Variants in WHRN observed in about 807,000 individuals in gnomAD.
The protein encoded by WHRN is CASK-interacting protein CIP98.
In WHRN, 41 loss-of-function variants were observed where a neutral mutation model predicts 68.3. That is an observed-to-expected ratio of 0.60 (90% CI 0.47 to 0.78). WHRN has a LOEUF of 0.78. Among genes scored for constraint, WHRN ranks in the 30% least tolerant of loss-of-function variants. The pLI is 0.00. For synonymous variants in WHRN, 560 were observed against 561.3 expected (o/e 1.00, Z 0.03); for missense variants, 1,243 against 1,244.7 (o/e 1.00, Z 0.02).
At chr9:114,426,016 C>T (rs939963521) in intron 4 of WHRN, 195 bp downstream of exon 4, 11 of 686,740 alleles carry the variant, frequency 1.6e-5, no homozygotes, top group Admixed American at 8.9e-5. Context: ...TGGTGTATTT[C>T]AGCTTTCCAT....
At chr9:114,463,663 C>T (rs746561580) in intron 3 of WHRN, among the ~76,000 whole-genome samples, 18 of 152,170 alleles carry the variant, frequency 1.2e-4, no homozygotes, top group Non-Finnish European at 2.4e-4. Context: ...CTCTCGGCAA[C>T]TTTTCACTAA....
intron 1 of WHRN, among the ~76,000 whole-genome samples, chr9:114,494,976 G>A (rs998822367): frequency 9.8e-5 from 15 of 152,316 alleles, no homozygotes; most frequent in Non-Finnish European, 1.9e-4. Context: ...CTCAGGGTGG[G>A]GACAGCGGCA....
intron 7 of WHRN, among the ~76,000 whole-genome samples, chr9:114,412,230 G>A (rs1342818597): frequency 6.6e-6 from 1 of 152,242 alleles, no homozygotes; most frequent in Admixed American, 6.5e-5. Context: ...TGAAATAGCT[G>A]CAGACAGCCG....
intron 3 of WHRN, among the ~76,000 whole-genome samples, chr9:114,437,068 A>G (rs73656103): frequency 0.037 from 5,663 of 152,282 alleles, 372 homozygotes; most frequent in African/African-American, 0.13. Context: ...TGTAGCACTG[A>G]CTCATGAGTA....
chr9:114,487,750 T>C (rs753083383), intron 1 of WHRN, among the ~76,000 whole-genome samples: 8 of 152,190 alleles, frequency 5.3e-5, no homozygotes, highest in Non-Finnish European at 1.0e-4. Context: ...TTATCCCTTT[T>C]GTAGTTCCTG....
chr9:114,466,660 C>A (rs1339566274), intron 2 of WHRN, among the ~76,000 whole-genome samples: 1 of 152,136 alleles, frequency 6.6e-6, no homozygotes, highest in African/African-American at 2.4e-5. Flanking sequence ...AGGGAGATGG[C>A]CTCCGGGATC....
At chr9:114,467,877 C>T (rs773156588) in intron 2 of WHRN, among the ~76,000 whole-genome samples, 2 of 152,264 alleles carry the variant, frequency 1.3e-5, no homozygotes, top group Non-Finnish European at 2.9e-5. Context: ...TGACTGCCCA[C>T]GGGACAGGGA....
rs1468576441 is a variant in WHRN, at chr9:114,504,846, G to C, written c.-45C>G. 44 of 1,360,484 alleles carry C rather than the reference G, an allele frequency of 3.2e-5. No individual in the cohort carries two copies. In the East Asian group the frequency reaches 1.3e-3, roughly 41 times the overall value. The allele number at this position is 1,360,484 out of a possible 1,614,324, so 84.3% of individuals were successfully genotyped here. ...CGGGCTCTGAGCGCGCGGGGTGTGGGCGGTGCCGCTGTCCTCGCGGGTACT... is the reference window on the plus strand; with the variant it reads ...CGGGCTCTGAGCGCGCGGGGTGTGGCCGGTGCCGCTGTCCTCGCGGGTACT... On this transcript the variant is annotated 5_prime_UTR_variant, in exon 1 of 12. Coordinates refer to ENST00000362057, the MANE Select transcript of WHRN (RefSeq NM_015404.4).
intron 7 of WHRN, among the ~76,000 whole-genome samples, chr9:114,421,470 A>G (rs1248337729): frequency 6.6e-6 from 1 of 152,234 alleles, no homozygotes; most frequent in Non-Finnish European, 1.5e-5. Flanking sequence ...TTATCCAGAA[A>G]CTGAAGACCA....
At chr9:114,405,076 T>C (rs1267971491) in intron 9 of WHRN, among the ~76,000 whole-genome samples, 38 of 145,992 alleles carry the variant, frequency 2.6e-4, no homozygotes, top group Middle Eastern at 3.4e-3. Context: ...CTCTCTTTTT[T>C]TTTTTTTTTT....
intron 3 of WHRN, among the ~76,000 whole-genome samples, chr9:114,429,613 G>A (rs568504596): frequency 3.9e-5 from 6 of 152,198 alleles, no homozygotes; most frequent in South Asian, 4.1e-4. Flanking sequence ...TGAGAACTTC[G>A]GCAGCCCTGG....
chr9:114,411,019 G>A (rs1835397705), intron 7 of WHRN, among the ~76,000 whole-genome samples: 2 of 152,250 alleles, frequency 1.3e-5, no homozygotes, highest in Admixed American at 1.3e-4. Context: ...GCCTTAGGCA[G>A]TGGACATGTT....
At chr9:114,442,909 A>G (rs1025510175) in intron 3 of WHRN, among the ~76,000 whole-genome samples, 1 of 152,196 alleles carries the variant, frequency 6.6e-6, no homozygotes, top group African/African-American at 2.4e-5. Context: ...AGTTCTTTGC[A>G]GTATTCTTGA....
intron 2 of WHRN, among the ~76,000 whole-genome samples, chr9:114,472,301 G>C (rs568402866): frequency 6.6e-6 from 1 of 152,246 alleles, no homozygotes; most frequent in Admixed American, 6.5e-5. Context: ...CCCCAGACTC[G>C]GCCTGGTTGC....
At chr9:114,403,006 G>C (rs1442582077) in intron 11 of WHRN, 70 bp from the exon 12 acceptor site, 2 of 1,560,734 alleles carry the variant, frequency 1.3e-6, no homozygotes, top group Admixed American at 1.9e-5. Context: ...CACCAACTGG[G>C]TCAGTCCCAA....
intron 3 of WHRN, among the ~76,000 whole-genome samples, chr9:114,433,662 A>C (rs1330454487): frequency 6.6e-6 from 1 of 152,224 alleles, no homozygotes; most frequent in African/African-American, 2.4e-5. Context: ...CAACAGTTCA[A>C]AAGTCAGTAA....
At chr9:114,478,294 G>C (rs979617132) in intron 2 of WHRN, 12 of 698,984 alleles carry the variant, frequency 1.7e-5, no homozygotes, top group Admixed American at 1.1e-4. Flanking sequence ...TCTCCAAATA[G>C]ATAAATAAGC....
chr9:114,462,269 T>C (rs1461918441), intron 3 of WHRN, among the ~76,000 whole-genome samples: 2 of 152,196 alleles, frequency 1.3e-5, no homozygotes, highest in African/African-American at 4.8e-5. Flanking sequence ...CCAGGCTTCA[T>C]CTCTTTTCCT....
chr9:114,410,679 G>A (rs773970043), intron 7 of WHRN, among the ~76,000 whole-genome samples: 20 of 152,348 alleles, frequency 1.3e-4, no homozygotes, highest in Middle Eastern at 3.4e-3. Flanking sequence ...TGATGCTTCA[G>A]GGGCATAGTC....
Sources: allele counts gnomAD v4.1 joint callset (sites outside exome capture counted in the v4.1 genomes callset), GRCh38; gene constraint gnomAD v4.1.1; transcripts MANE v1.5; gene names NCBI Gene and HGNC (gene_info 2026-07-23, HGNC 2026-07-21).